Variants in LDB2 observed in about 807,000 individuals in gnomAD.
LDB2 encodes LIM domain-binding protein 2.
In LDB2, 12 loss-of-function variants were observed where a neutral mutation model predicts 44.3. The ratio of observed to expected loss-of-function variants is 0.27; its 90% CI spans 0.17 to 0.44. The LOEUF is 0.44. Ranked by LOEUF, LDB2 falls within the 20% of genes least tolerant of loss-of-function variation. The pLI is 1.00. For missense variants in LDB2, 344 were observed against 473.5 expected (o/e 0.73, Z 2.54); for synonymous variants, 164 against 174.8 (o/e 0.94, Z 0.49).
At chr4:16,571,052 C>T (rs1746355457) in intron 5 of LDB2, among the ~76,000 whole-genome samples, 1 of 152,122 alleles carries the variant, frequency 6.6e-6, no homozygotes, top group African/African-American at 2.4e-5. Flanking sequence ...AAGCAAAAAT[C>T]AGGCCAGAAG....
chr4:16,764,720 C>A (rs755297583), intron 1 of LDB2, among the ~76,000 whole-genome samples: 14 of 152,058 alleles, frequency 9.2e-5, no homozygotes, highest in Non-Finnish European at 1.8e-4. Context: ...ACCTGCTGAC[C>A]GTAAACTTAG....
chr4:16,615,547 T>C (rs1049732961), intron 2 of LDB2, among the ~76,000 whole-genome samples: 9 of 150,952 alleles, frequency 6.0e-5, no homozygotes, highest in African/African-American at 2.0e-4. Flanking sequence ...TAAGTGAGAG[T>C]TGAACACTGA....
chr4:16,570,911 C>A (rs1746299000), intron 5 of LDB2, among the ~76,000 whole-genome samples: 1 of 152,088 alleles, frequency 6.6e-6, no homozygotes, highest in South Asian at 2.1e-4. Context: ...CTATTATTAT[C>A]CCTGTTTTAT....
intron 2 of LDB2, among the ~76,000 whole-genome samples, chr4:16,721,613 A>G (rs1455869196): frequency 6.6e-6 from 1 of 152,156 alleles, no homozygotes; most frequent in Non-Finnish European, 1.5e-5. Context: ...TTGCACACAA[A>G]TGTATCCATA....
intron 2 of LDB2, 137 bp downstream of exon 2, chr4:16,759,021 G>A (rs555823475): frequency 1.2e-5 from 7 of 595,786 alleles, no homozygotes; most frequent in African/African-American, 1.9e-5. Flanking sequence ...ACAATGACTC[G>A]ATGAGAAGCA....
At chr4:16,516,413 C>G (rs915348045) in intron 5 of LDB2, among the ~76,000 whole-genome samples, 1 of 152,182 alleles carries the variant, frequency 6.6e-6, no homozygotes, top group Non-Finnish European at 1.5e-5. Context: ...ATTTATTGAG[C>G]TTCCTCCTAA....
At chr4:16,800,649 G>A (rs1777614604) in intron 1 of LDB2, among the ~76,000 whole-genome samples, 1 of 152,136 alleles carries the variant, frequency 6.6e-6, no homozygotes, top group African/African-American at 2.4e-5. Context: ...GGATAGAGAG[G>A]AATAGAAGAC....
At chr4:16,723,420 C>T (rs145883183) in intron 2 of LDB2, among the ~76,000 whole-genome samples, 1,675 of 152,232 alleles carry the variant, frequency 0.011, 31 homozygotes, top group African/African-American at 0.037. Flanking sequence ...GAGACCCACT[C>T]TCATGATAAC....
intron 1 of LDB2, among the ~76,000 whole-genome samples, chr4:16,789,184 T>C (rs1267517808): frequency 1.3e-5 from 2 of 152,108 alleles, no homozygotes; most frequent in African/African-American, 4.8e-5. Flanking sequence ...GGCAGAGCCA[T>C]CAGACACCAG....
intron 2 of LDB2, among the ~76,000 whole-genome samples, chr4:16,744,491 T>C (rs1291622859): frequency 6.6e-6 from 1 of 150,838 alleles, no homozygotes; most frequent in Non-Finnish European, 1.5e-5. Context: ...GTTTTTTGTT[T>C]TGAGACGGAG....
At chr4:16,784,258 G>A (rs1308120624) in intron 1 of LDB2, among the ~76,000 whole-genome samples, 2 of 152,190 alleles carry the variant, frequency 1.3e-5, no homozygotes, top group Non-Finnish European at 2.9e-5. Context: ...GCTTGTCAGA[G>A]CTACAAGGCC....
chr4:16,511,861 C>A (rs1034784036), intron 6 of LDB2, 120 bp downstream of exon 6: 6 of 1,122,474 alleles, frequency 5.3e-6, no homozygotes, highest in Non-Finnish European at 7.6e-6. Context: ...GTCAGAATAT[C>A]CCTAATAAGC....
At chr4:16,509,751 A>G (rs1720962427) in intron 6 of LDB2, among the ~76,000 whole-genome samples, 1 of 152,156 alleles carries the variant, frequency 6.6e-6, no homozygotes, top group South Asian at 2.1e-4. Context: ...TTTAGACCTG[A>G]CTGTGATGGA....
chr4:16,736,650 T>C (rs1761966764), intron 2 of LDB2, among the ~76,000 whole-genome samples: 1 of 152,216 alleles, frequency 6.6e-6, no homozygotes, highest in Non-Finnish European at 1.5e-5. Context: ...ACACAAGATA[T>C]CAAACTGTGC....
intron 2 of LDB2, among the ~76,000 whole-genome samples, chr4:16,705,857 T>C (rs905587375): frequency 2.6e-5 from 4 of 152,146 alleles, no homozygotes; most frequent in Admixed American, 1.3e-4. Flanking sequence ...GTCCCCTCTC[T>C]CCAATCAGAT....
chr4:16,713,547 C>T (rs1756397487), intron 2 of LDB2, among the ~76,000 whole-genome samples: 1 of 152,106 alleles, frequency 6.6e-6, no homozygotes, highest in South Asian at 2.1e-4. Flanking sequence ...AATTATGTGC[C>T]AGATGCTATT....
At chr4:16,891,217 A>C (rs2110516181) in intron 1 of LDB2, among the ~76,000 whole-genome samples, 2 of 151,466 alleles carry the variant, frequency 1.3e-5, no homozygotes, top group East Asian at 3.9e-4. Flanking sequence ...TTTTAAGTAA[A>C]AAAAAAAAAA....
intron 1 of LDB2, among the ~76,000 whole-genome samples, chr4:16,770,954 T>C (rs1770528265): frequency 6.6e-6 from 1 of 152,146 alleles, no homozygotes; most frequent in Non-Finnish European, 1.5e-5. Flanking sequence ...AGATGCAGGA[T>C]AATGTCATGA....
intron 1 of LDB2, among the ~76,000 whole-genome samples, chr4:16,815,458 A>G (rs559110155): frequency 6.6e-6 from 1 of 152,348 alleles, no homozygotes; most frequent in East Asian, 1.9e-4. Flanking sequence ...AGTAAATCCA[A>G]GACACTTCCA....
Sources: allele counts gnomAD v4.1 joint callset (sites outside exome capture counted in the v4.1 genomes callset), GRCh38; gene constraint gnomAD v4.1.1; transcripts MANE v1.5; gene names NCBI Gene and HGNC (gene_info 2026-07-23, HGNC 2026-07-21).